The following NIPBL variants were observed in gnomAD, a reference collection of about 807,000 sequenced individuals.
The protein encoded by NIPBL is nipped-B-like protein.
A neutral mutation model predicts 321.8 loss-of-function variants in NIPBL; 19 were observed. That is an observed-to-expected ratio of 0.06 (90% CI 0.04 to 0.09). The LOEUF (loss-of-function observed/expected upper bound fraction) is 0.09. Among genes scored for constraint, NIPBL ranks in the 10% least tolerant of loss-of-function variants. NIPBL has a pLI of 1.00. For synonymous variants in NIPBL, 1,106 were observed against 1,114.1 expected, an observed-to-expected ratio of 0.99 and a Z score of 0.14; for missense variants, 2,210 against 3,327.0, an observed-to-expected ratio of 0.66 and a Z score of 8.26.
intron 21 of NIPBL, among the ~76,000 whole-genome samples, chr5:37,013,084 G>A (rs1283388141): frequency 2.0e-5 from 3 of 151,236 alleles, no homozygotes; most frequent in African/African-American, 7.3e-5. Flanking sequence ...AGCTGGCCGG[G>A]CAGAGGGGCT....
intron 1 of NIPBL, among the ~76,000 whole-genome samples, chr5:36,933,697 T>A (rs1235482200): frequency 6.6e-6 from 1 of 152,118 alleles, no homozygotes; most frequent in African/African-American, 2.4e-5. Context: ...AATTACCCAA[T>A]TCCATTTAAT....
intron 1 of NIPBL, chr5:36,886,330 G>T: frequency 1.4e-6 from 1 of 692,584 alleles, no homozygotes; most frequent in South Asian, 1.5e-5. Flanking sequence ...GCTGGAGGCT[G>T]AGAGCGCCAC....
chr5:36,932,817 T>TCATTCTG (rs1368330663), intron 1 of NIPBL, among the ~76,000 whole-genome samples: 1 of 137,618 alleles, frequency 7.3e-6, no homozygotes, highest in Non-Finnish European at 1.5e-5. Context: ...GAACAGGATC[T>TCATTCTG]CATTCTGTTG....
At chr5:36,963,718 G>T (rs1001157544) in intron 6 of NIPBL, among the ~76,000 whole-genome samples, 1 of 151,932 alleles carries the variant, frequency 6.6e-6, no homozygotes, top group African/African-American at 2.4e-5. Flanking sequence ...GAACCCAGAA[G>T]GTCAAGACTG....
intron 21 of NIPBL, among the ~76,000 whole-genome samples, 177 bp downstream of exon 21, chr5:37,010,402 G>A (rs1337729579): frequency 6.6e-6 from 1 of 151,966 alleles, no homozygotes; most frequent in Admixed American, 6.6e-5. Flanking sequence ...TGCAACCTCT[G>A]CCTCCCGGGT....
chr5:36,952,053 T>TGTGTGTGTGTGTGTGTGTGTGTGCGC (rs778597604), intron 1 of NIPBL, among the ~76,000 whole-genome samples: 63 of 112,188 alleles, frequency 5.6e-4, no homozygotes, highest in African/African-American at 6.2e-4. Context: ...TGTGTGTGTG[T>TGTGTGTGTGTGTGTGTGTGTGTGCGC]GCGCGCGCGC....
At chr5:36,995,056 G>A (rs147882915) in intron 10 of NIPBL, 4 of 152,516 alleles carry the variant, frequency 2.6e-5, no homozygotes, top group African/African-American at 9.6e-5. Flanking sequence ...AATGCTAAAG[G>A]CATTACCATG....
chr5:36,961,046 A>G (rs1358452301), intron 4 of NIPBL, among the ~76,000 whole-genome samples: 1 of 152,152 alleles, frequency 6.6e-6, no homozygotes, highest in African/African-American at 2.4e-5. Flanking sequence ...CTGAACCATG[A>G]TAATACAAAT....
At chr5:37,023,775 T>TTTTTTTTTTTTTTA (rs1554026119) in intron 29 of NIPBL, among the ~76,000 whole-genome samples, 7 of 138,930 alleles carry the variant, frequency 5.0e-5, no homozygotes, top group Non-Finnish European at 9.2e-5. Flanking sequence ...TTTTTTTTTT[T>TTTTTTTTTTTTTTA]ACATCCCATA....
intron 1 of NIPBL, among the ~76,000 whole-genome samples, chr5:36,902,723 C>T (rs1299472208): frequency 3.3e-5 from 5 of 151,914 alleles, no homozygotes; most frequent in East Asian, 1.9e-4. Flanking sequence ...TTTGGCTATT[C>T]GGGCTCTTTT....
At chr5:37,061,098 A>G in intron 45 of NIPBL, 80 bp downstream of exon 45, 5 of 982,316 alleles carry the variant, frequency 5.1e-6, no homozygotes, top group Non-Finnish European at 6.5e-6. Flanking sequence ...TGGGGAGATA[A>G]CTATCTCCTT....
At chr5:36,986,717 G>C (rs1744849774) in intron 10 of NIPBL, among the ~76,000 whole-genome samples, 1 of 152,128 alleles carries the variant, frequency 6.6e-6, no homozygotes, top group African/African-American at 2.4e-5. Flanking sequence ...TGAATAATTT[G>C]TATAGTTTAG....
intron 1 of NIPBL, among the ~76,000 whole-genome samples, chr5:36,946,632 T>G (rs552044417): frequency 2.6e-4 from 40 of 151,984 alleles, no homozygotes; most frequent in Admixed American, 1.1e-3. Flanking sequence ...TTTTAAGCCT[T>G]TCCCCCACCA....
intron 3 of NIPBL, 23 bp downstream of exon 3, chr5:36,955,660 C>G: frequency 6.2e-7 from 1 of 1,603,386 alleles, no homozygotes; most frequent in Non-Finnish European, 8.5e-7. Flanking sequence ...AATTTTATAT[C>G]TACTATAAGT....
intron 33 of NIPBL, among the ~76,000 whole-genome samples, chr5:37,038,020 C>G (rs566871860): frequency 7.2e-6 from 1 of 138,662 alleles, no homozygotes; most frequent in South Asian, 2.4e-4. Flanking sequence ...GACAGGGTCT[C>G]ACTCTGTCAC....
chr5:37,022,823 T>C (rs1446129598), intron 29 of NIPBL, among the ~76,000 whole-genome samples: 1 of 152,240 alleles, frequency 6.6e-6, no homozygotes, highest in African/African-American at 2.4e-5. Flanking sequence ...GTGCATCTTC[T>C]TGTTTCCTTA....
chr5:36,953,253 G>C (rs562283501), intron 1 of NIPBL, among the ~76,000 whole-genome samples: 1 of 152,164 alleles, frequency 6.6e-6, no homozygotes, highest in Non-Finnish European at 1.5e-5. Flanking sequence ...AGTGCTTGTC[G>C]AGGTTGATCA....
chr5:36,905,084 G>T (rs1398485771), intron 1 of NIPBL, among the ~76,000 whole-genome samples: 1 of 145,790 alleles, frequency 6.9e-6, no homozygotes, highest in Non-Finnish European at 1.5e-5. Context: ...AGCAAGTTGA[G>T]GTTGGTTGGT....
intron 4 of NIPBL, among the ~76,000 whole-genome samples, chr5:36,959,314 TA>T (rs1234607019): frequency 6.6e-6 from 1 of 152,234 alleles, no homozygotes; most frequent in Non-Finnish European, 1.5e-5. Context: ...TTCCTTTAAA[TA>T]ATATTGCTTT....
Sources: gnomAD v4.1 joint callset for allele counts (sites outside exome capture counted in the v4.1 genomes callset) on GRCh38, gnomAD v4.1.1 for gene constraint, MANE v1.5 for transcripts, NCBI Gene and HGNC (gene_info 2026-07-23, HGNC 2026-07-21) for gene names.